CLEC2A: variants seen among roughly 807,000 people sequenced by gnomAD.
The protein encoded by CLEC2A is C-type lectin domain family 2 member A.
A neutral mutation model predicts 18.6 loss-of-function variants in CLEC2A; 19 were observed. The ratio of observed to expected loss-of-function variants is 1.02; its 90% CI spans 0.71 to 1.50. CLEC2A has a LOEUF of 1.50. Ranked by LOEUF, CLEC2A falls within the 40% of genes most tolerant of loss-of-function variation. The pLI is 0.00. For missense variants in CLEC2A, 190 were observed against 207.9 expected, an observed-to-expected ratio of 0.91 and a Z score of 0.53; for synonymous variants, 74 against 64.0, an observed-to-expected ratio of 1.16 and a Z score of -0.75.
chr12:9,886,640 T>C, the CLEC2A span, among the ~76,000 whole-genome samples: 3 of 152,028 alleles, frequency 2.0e-5, no homozygotes, highest in Non-Finnish European at 2.9e-5. Context: ...AAAATAACTT[T>C]TGAAAGCCAA....
downstream of CLEC2A, among the ~76,000 whole-genome samples, chr12:9,912,282 A>G (rs1862998654): frequency 6.6e-6 from 1 of 152,088 alleles, no homozygotes; most frequent in Admixed American, 6.5e-5. Flanking sequence ...GCTGGGAGCC[A>G]GCCAGCTGGC....
the CLEC2A span, among the ~76,000 whole-genome samples, chr12:9,888,333 A>G: frequency 2.0e-5 from 3 of 151,462 alleles, no homozygotes; most frequent in African/African-American, 7.3e-5. Context: ...TACTAAAAAT[A>G]CAAAAAATTA....
At chr12:9,881,914 A>T in the CLEC2A span, among the ~76,000 whole-genome samples, 23,029 of 152,136 alleles carry the variant, frequency 0.15, 3,022 homozygotes, top group African/African-American at 0.34. Context: ...GCATAAGAAC[A>T]TCACTTTCGA....
downstream of CLEC2A, among the ~76,000 whole-genome samples, chr12:9,897,425 C>T (rs887142576): frequency 6.6e-6 from 1 of 151,944 alleles, no homozygotes; most frequent in African/African-American, 2.4e-5. Flanking sequence ...TCTTTTTCTG[C>T]GTATGTGATG....
At chr12:9,926,211 C>T (rs1244953480) in intron 2 of CLEC2A, 49 bp downstream of exon 2, 2 of 1,098,864 alleles carry the variant, frequency 1.8e-6, no homozygotes, top group South Asian at 2.7e-5. Context: ...TATACATGGA[C>T]CCTTCAGGAG....
rs530191082 is a variant in CLEC2A at position 9,915,884 on chromosome 12, A to G, written c.410+816T>C. ...ACAGTAAAATAAAAATATATTTTTTAATTAATTTTCTTTGTTGATAAACAA... is the reference window on the plus strand; with the variant it reads ...ACAGTAAAATAAAAATATATTTTTTGATTAATTTTCTTTGTTGATAAACAA... On this transcript the variant is annotated intron_variant, in intron 4 of 4. Coordinates refer to ENST00000455827, the MANE Select transcript of CLEC2A (RefSeq NM_001130711.2). Among the ~76,000 whole-genome samples, 13 of 152,262 alleles carry G rather than the reference A, an allele frequency of 8.5e-5. No individual in the cohort carries two copies. The South Asian group carries it at 2.7e-3, about 32-fold the overall frequency.
At chr12:9,919,031 ACT>A (rs1863119398) in intron 3 of CLEC2A, among the ~76,000 whole-genome samples, 1 of 151,588 alleles carries the variant, frequency 6.6e-6, no homozygotes, top group Non-Finnish European at 1.5e-5. Flanking sequence ...CAGTTGGGAG[ACT>A]CTTGATCCAT....
intron 3 of CLEC2A, among the ~76,000 whole-genome samples, chr12:9,919,571 C>T (rs1047435489): frequency 6.6e-6 from 1 of 152,208 alleles, no homozygotes; most frequent in African/African-American, 2.4e-5. Context: ...CTAAGACATT[C>T]CAGAGCTGCT....
chr12:9,909,877 G>T (rs1862958622), downstream of CLEC2A, among the ~76,000 whole-genome samples: 1 of 152,010 alleles, frequency 6.6e-6, no homozygotes, highest in Non-Finnish European at 1.5e-5. Context: ...GGGGAGAATT[G>T]GGGGTATTGA....
At chr12:9,911,025 AC>A (rs1485649205), downstream of CLEC2A, among the ~76,000 whole-genome samples, 5 of 152,218 alleles carry the variant, frequency 3.3e-5, no homozygotes, top group African/African-American at 1.2e-4. Flanking sequence ...GCCATGCAGC[AC>A]ACTGAACAAA....
chr12:9,904,165 G>A (rs112154522), intron 4 of CLEC2A, among the ~76,000 whole-genome samples: 233 of 152,330 alleles, frequency 1.5e-3, no homozygotes, highest in African/African-American at 5.5e-3. Flanking sequence ...AGAGACACAA[G>A]GTAAAACTGG....
the CLEC2A span, among the ~76,000 whole-genome samples, chr12:9,883,422 G>A: frequency 6.6e-6 from 1 of 152,170 alleles, no homozygotes; most frequent in Non-Finnish European, 1.5e-5. Flanking sequence ...CATGTACTCA[G>A]CTCTCTGTTC....
At chr12:9,885,612 G>A in the CLEC2A span, among the ~76,000 whole-genome samples, 23 of 151,886 alleles carry the variant, frequency 1.5e-4, no homozygotes, top group Admixed American at 1.4e-3. Context: ...TAGCGTAGAA[G>A]ATCCTTTACT....
At chr12:9,922,936 T>C (rs1409367643) in intron 2 of CLEC2A, among the ~76,000 whole-genome samples, 1 of 152,196 alleles carries the variant, frequency 6.6e-6, no homozygotes, top group Admixed American at 6.5e-5. Flanking sequence ...ATTATTATTA[T>C]TATTTTGTAG....
intron 4 of CLEC2A, among the ~76,000 whole-genome samples, chr12:9,902,966 G>T (rs560889802): frequency 6.6e-6 from 1 of 152,144 alleles, no homozygotes; most frequent in African/African-American, 2.4e-5. Flanking sequence ...TGTGGAGCAC[G>T]AGAAGGCTAA....
intron 1 of CLEC2A, among the ~76,000 whole-genome samples, chr12:9,930,551 A>G (rs1245028134): frequency 6.6e-6 from 1 of 151,860 alleles, no homozygotes; most frequent in Non-Finnish European, 1.5e-5. Flanking sequence ...CTTTTTCACT[A>G]ACGTCTCCTA....
the CLEC2A span, among the ~76,000 whole-genome samples, chr12:9,878,880 A>G: frequency 2.0e-5 from 3 of 152,184 alleles, no homozygotes; most frequent in Admixed American, 2.0e-4. Flanking sequence ...AGTTTTGTGA[A>G]CCGATTTTTT....
At position 9,913,629 on chromosome 12, in the gene CLEC2A, G is replaced by T. The variant is rs1046591493; in HGVS notation, c.462C>A (p.Val154=). The change falls in exon 5 of 5, where the codon GTC becomes GTA. Residue 154 remains valine (V), a synonymous_variant. Coordinates refer to ENST00000455827, the MANE Select transcript of CLEC2A (RefSeq NM_001130711.2). ...GSFAFLSADG[V]HSSRGFIDIK... ...TATCAATAAATCCTCTGGAACTATG[G>T]ACTCCATCAGCACTCAAGAAAGCAA... 4 of 1,549,618 alleles carry T rather than the reference G, an allele frequency of 2.6e-6. No individual in the cohort carries two copies. The highest frequency in any genetic ancestry group is 1.4e-5 in the African/African-American group (1 of 72,966).
At chr12:9,906,020 G>GTT (rs367651590) in intron 4 of CLEC2A, among the ~76,000 whole-genome samples, 3,604 of 83,014 alleles carry the variant, frequency 0.043, 114 homozygotes, top group African/African-American at 0.12. Flanking sequence ...CCACTTATTA[G>GTT]TTTTGTTTTT....
Sources: allele counts gnomAD v4.1 joint callset (sites outside exome capture counted in the v4.1 genomes callset), GRCh38; gene constraint gnomAD v4.1.1; transcripts MANE v1.5; gene names NCBI Gene and HGNC (gene_info 2026-07-23, HGNC 2026-07-21).